SYN3: variants seen among roughly 807,000 people sequenced by gnomAD.
SYN3 encodes the protein synapsin III.
In SYN3, 35 loss-of-function variants were observed where a neutral mutation model predicts 65.8. The observed-to-expected ratio is 0.53, with a 90% CI of 0.41 to 0.70. The LOEUF is 0.70. Among genes scored for constraint, SYN3 ranks in the 30% least tolerant of loss-of-function variants. The probability of loss-of-function intolerance (pLI) is 0.00; values close to 1 mark genes in which losing one functional copy is unlikely to be tolerated. For synonymous variants in SYN3, 270 were observed against 292.9 expected, an observed-to-expected ratio of 0.92 and a Z score of 0.80; for missense variants, 680 against 749.0, an observed-to-expected ratio of 0.91 and a Z score of 1.08.
At chr22:32,997,756 G>A (rs969015715) in intron 2 of SYN3, among the ~76,000 whole-genome samples, 2 of 152,108 alleles carry the variant, frequency 1.3e-5, no homozygotes, top group African/African-American at 4.8e-5. Context: ...GCCGGGCGCG[G>A]TGGCTCACGT....
intron 6 of SYN3, among the ~76,000 whole-genome samples, chr22:32,725,402 A>G (rs892440735): frequency 2.0e-5 from 3 of 152,162 alleles, no homozygotes; most frequent in African/African-American, 7.2e-5. Flanking sequence ...AGTCTTTAGA[A>G]CAATTCCCCG....
chr22:32,529,656 G>T (rs996804957), intron 10 of SYN3, among the ~76,000 whole-genome samples: 2 of 152,144 alleles, frequency 1.3e-5, no homozygotes, highest in African/African-American at 4.8e-5. Context: ...GATGGGAGGG[G>T]ACTTGCCCAA....
chr22:32,635,786 C>A (rs1445463801), intron 6 of SYN3, among the ~76,000 whole-genome samples: 2 of 152,166 alleles, frequency 1.3e-5, no homozygotes, highest in African/African-American at 4.8e-5. Flanking sequence ...ATAAGCCATG[C>A]AAATTTCCCG....
intron 1 of SYN3, among the ~76,000 whole-genome samples, chr22:33,012,813 G>A (rs1253139493): frequency 2.6e-5 from 4 of 152,246 alleles, no homozygotes; most frequent in Admixed American, 6.5e-5. Flanking sequence ...TTGAGTTCCA[G>A]CTGCTCCATG....
chr22:32,879,257 A>C (rs1385074978), intron 4 of SYN3, among the ~76,000 whole-genome samples: 1 of 152,230 alleles, frequency 6.6e-6, no homozygotes, highest in Non-Finnish European at 1.5e-5. Flanking sequence ...CGGACTGATT[A>C]ATTAATTATT....
chr22:32,655,914 G>A (rs1461451067), intron 6 of SYN3, among the ~76,000 whole-genome samples: 1 of 152,160 alleles, frequency 6.6e-6, no homozygotes, highest in African/African-American at 2.4e-5. Context: ...GTGCCAAAAA[G>A]GTTGGGAGTC....
At chr22:32,587,907 T>G (rs988505466) in intron 7 of SYN3, among the ~76,000 whole-genome samples, 1 of 152,068 alleles carries the variant, frequency 6.6e-6, no homozygotes, top group Non-Finnish European at 1.5e-5. Flanking sequence ...TCTGGTACCA[T>G]GTCACTCCCC....
chr22:32,991,088 C>G (rs1290674408), intron 2 of SYN3, among the ~76,000 whole-genome samples: 2 of 151,950 alleles, frequency 1.3e-5, no homozygotes, highest in East Asian at 3.9e-4. Context: ...GAGGCTGAGG[C>G]AGGAGAATTG....
In SYN3 at chr22:32,719,855, A is replaced by G. The variant is rs534059421; in HGVS notation, c.712-123119T>C. On this transcript the variant is annotated intron_variant, in intron 6 of 13. Coordinates refer to ENST00000358763, the MANE Select transcript of SYN3 (RefSeq NM_003490.4). ...AGACTGTCTCAGAAAAAAACAAAAA[A>G]AGAGAGAGAGAGAAGAAAAGAAATA... Among the ~76,000 whole-genome samples the G allele has an allele frequency of 5.9e-5, 9 of 152,158 alleles. No homozygotes were observed. In the South Asian group the frequency reaches 1.3e-3, roughly 21 times the overall value.
rs532958346 is a variant in SYN3 at position 32,900,679 on chromosome 22, C to T, written c.461+30711G>A. 7.2e-5 allele frequency among the ~76,000 whole-genome samples: 11 copies of T among 152,286 alleles called. No individual in the cohort carries two copies. The South Asian group carries it at 2.3e-3, about 32-fold the overall frequency. ...AACTGTATATACTCCTCACTTCATC[C>T]CCAGTTTCCCAATGGAATACCTGGC... is the stretch of plus-strand genomic sequence containing the variant. On this transcript the variant is annotated intron_variant, in intron 4 of 13. Coordinates refer to ENST00000358763, the MANE Select transcript of SYN3 (RefSeq NM_003490.4).
chr22:32,679,806 C>T (rs1272096872), intron 6 of SYN3, among the ~76,000 whole-genome samples: 1 of 125,994 alleles, frequency 7.9e-6, no homozygotes, highest in Non-Finnish European at 1.6e-5. Flanking sequence ...AGGTTTTTGC[C>T]CACTTTAAAA....
chr22:32,612,693 T>G (rs28592736), intron 6 of SYN3, among the ~76,000 whole-genome samples: 1 of 151,744 alleles, frequency 6.6e-6, no homozygotes, highest in South Asian at 2.1e-4. Flanking sequence ...GAAAAAAAAA[T>G]TAGCCAGGCA....
intron 7 of SYN3, among the ~76,000 whole-genome samples, chr22:32,573,988 G>A (rs2146445851): frequency 6.7e-6 from 1 of 150,086 alleles, no homozygotes; most frequent in East Asian, 2.0e-4. Flanking sequence ...ATGTTGCCCA[G>A]ACTGGTCTCG....
intron 4 of SYN3, among the ~76,000 whole-genome samples, chr22:32,917,636 T>C (rs1399261145): frequency 2.0e-5 from 3 of 152,192 alleles, no homozygotes; most frequent in Admixed American, 6.5e-5. Flanking sequence ...CATGGGAAAG[T>C]GCACAGGGTC....
At chr22:32,679,587 T>A (rs1396392957) in intron 6 of SYN3, among the ~76,000 whole-genome samples, 1 of 152,154 alleles carries the variant, frequency 6.6e-6, no homozygotes, top group Non-Finnish European at 1.5e-5. Flanking sequence ...CCATTTTACA[T>A]TCCTACCAAC....
intron 1 of SYN3, among the ~76,000 whole-genome samples, chr22:33,050,978 G>A (rs985408113): frequency 1.3e-5 from 2 of 152,190 alleles, no homozygotes; most frequent in African/African-American, 4.8e-5. Context: ...TTTACCCACT[G>A]AGCCCACTTC....
At chr22:33,047,339 C>T (rs1275984162) in intron 1 of SYN3, among the ~76,000 whole-genome samples, 2 of 152,152 alleles carry the variant, frequency 1.3e-5, no homozygotes, top group African/African-American at 2.4e-5. Flanking sequence ...TGAATGAGCA[C>T]ACCCAAGAGA....
At chr22:32,626,179 G>A (rs1159800555) in intron 6 of SYN3, among the ~76,000 whole-genome samples, 1 of 152,138 alleles carries the variant, frequency 6.6e-6, no homozygotes, top group Non-Finnish European at 1.5e-5. Context: ...CTGTGCTGAG[G>A]GTGCCTCTTG....
At chr22:32,856,225 C>T (rs569818234) in intron 6 of SYN3, among the ~76,000 whole-genome samples, 1 of 152,198 alleles carries the variant, frequency 6.6e-6, no homozygotes, top group Non-Finnish European at 1.5e-5. Context: ...AGAAAAAGGA[C>T]CTTTGTCACA....
Sources: gnomAD v4.1 joint callset for allele counts (sites outside exome capture counted in the v4.1 genomes callset) on GRCh38, gnomAD v4.1.1 for gene constraint, MANE v1.5 for transcripts, NCBI Gene and HGNC (gene_info 2026-07-23, HGNC 2026-07-21) for gene names.